The following ZNF618 variants were observed in gnomAD, a reference collection of about 807,000 sequenced individuals.
ZNF618 encodes the protein zinc finger protein 618.
ZNF618 carries 34 observed loss-of-function variants against 103.0 expected under a neutral mutation model. The ratio of observed to expected loss-of-function variants is 0.33; its 90% CI spans 0.25 to 0.44. ZNF618 has a LOEUF of 0.44. Among genes scored for constraint, ZNF618 ranks in the 20% least tolerant of loss-of-function variants. The pLI, the probability that ZNF618 is intolerant of heterozygous loss-of-function variation, is 1.00. For missense variants in ZNF618, 1,059 were observed against 1,295.4 expected (o/e 0.82, Z 2.80); for synonymous variants, 551 against 542.2 (o/e 1.02, Z -0.23).
intron 1 of ZNF618, among the ~76,000 whole-genome samples, chr9:113,904,482 AT>A (rs1261682957): frequency 6.6e-6 from 1 of 151,982 alleles, no homozygotes; most frequent in Non-Finnish European, 1.5e-5. Flanking sequence ...TACATTCCTG[AT>A]TGTTTTAGTG....
chr9:113,895,767 G>A (rs866979082), intron 1 of ZNF618, among the ~76,000 whole-genome samples: 1 of 152,036 alleles, frequency 6.6e-6, no homozygotes, highest in East Asian at 1.9e-4. Flanking sequence ...TCCCTGCTTG[G>A]AATGATTTAT....
intron 2 of ZNF618, among the ~76,000 whole-genome samples, chr9:113,974,400 A>G (rs1266801403): frequency 6.6e-6 from 1 of 152,248 alleles, no homozygotes; most frequent in Non-Finnish European, 1.5e-5. Flanking sequence ...GACCGTTGTC[A>G]GGACTTTGGC....
intron 3 of ZNF618, 77 bp downstream of exon 3, chr9:113,988,657 T>C: frequency 4.7e-6 from 7 of 1,490,506 alleles, no homozygotes; most frequent in Non-Finnish European, 6.3e-6. Context: ...AAAAGCGGCC[T>C]GGCGCCTCTG....
At chr9:114,020,723 A>C (rs144549110) in intron 10 of ZNF618, among the ~76,000 whole-genome samples, 53 of 152,158 alleles carry the variant, frequency 3.5e-4, no homozygotes, top group Non-Finnish European at 6.0e-4. Flanking sequence ...TTTCTTTTGC[A>C]TATTGATGTC....
At chr9:113,974,377 G>A (rs535805681) in intron 2 of ZNF618, among the ~76,000 whole-genome samples, 26 of 152,228 alleles carry the variant, frequency 1.7e-4, no homozygotes, top group South Asian at 4.1e-4. Context: ...GTGTGGCCAC[G>A]GAGGCCCTTG....
chr9:113,887,539 G>A (rs767845953), intron 1 of ZNF618, among the ~76,000 whole-genome samples: 3 of 152,180 alleles, frequency 2.0e-5, no homozygotes, highest in Non-Finnish European at 4.4e-5. Flanking sequence ...CACATTGGGG[G>A]CTGTGGACTT....
At chr9:113,963,035 G>T (rs748108994) in intron 1 of ZNF618, among the ~76,000 whole-genome samples, 8 of 152,176 alleles carry the variant, frequency 5.3e-5, no homozygotes, top group Admixed American at 1.3e-4. Flanking sequence ...CTCAGTGGAG[G>T]AGACAGAAAG....
chr9:113,984,171 G>A (rs1053024728), intron 2 of ZNF618, among the ~76,000 whole-genome samples: 1 of 152,182 alleles, frequency 6.6e-6, no homozygotes, highest in Non-Finnish European at 1.5e-5. Flanking sequence ...AGCTACACTG[G>A]AATTTCGGGA....
intron 1 of ZNF618, among the ~76,000 whole-genome samples, chr9:113,917,110 C>T (rs962990031): frequency 1.3e-5 from 2 of 152,130 alleles, no homozygotes; most frequent in Non-Finnish European, 2.9e-5. Context: ...TCTGTCACAC[C>T]AGACATTGCA....
chr9:113,882,361 C>T (rs536387852), intron 1 of ZNF618, among the ~76,000 whole-genome samples: 2 of 152,288 alleles, frequency 1.3e-5, no homozygotes, highest in South Asian at 4.1e-4. Flanking sequence ...GGTTAATGAT[C>T]CCAGCCTTGC....
intron 9 of ZNF618, chr9:114,016,314 G>C (rs575018217): frequency 1.4e-6 from 1 of 704,302 alleles, no homozygotes; most frequent in Non-Finnish European, 2.4e-6. Context: ...TTGCAAAGGG[G>C]CTGACGAAGA....
chr9:114,043,518 A>T (rs956662992), intron 13 of ZNF618, among the ~76,000 whole-genome samples: 3 of 152,220 alleles, frequency 2.0e-5, no homozygotes, highest in African/African-American at 7.2e-5. Flanking sequence ...CATTGACCAC[A>T]TTGGCAAAGG....
At chr9:113,994,882 C>T (rs537329077) in intron 3 of ZNF618, among the ~76,000 whole-genome samples, 1 of 151,112 alleles carries the variant, frequency 6.6e-6, no homozygotes, top group Non-Finnish European at 1.5e-5. Context: ...ACATTTTTAT[C>T]CAAAGTTTAA....
intron 1 of ZNF618, among the ~76,000 whole-genome samples, chr9:113,884,861 C>T (rs1828917450): frequency 1.3e-5 from 2 of 151,672 alleles, no homozygotes. Context: ...TTACCCAAGA[C>T]CTCAGTGAAC....
intron 10 of ZNF618, among the ~76,000 whole-genome samples, chr9:114,026,867 AG>A (rs1564316343): frequency 6.6e-6 from 1 of 151,890 alleles, no homozygotes; most frequent in South Asian, 2.1e-4. Context: ...GGTGGAGTCG[AG>A]GGGGGAAAAC....
At chr9:113,922,132 C>A (rs1270706189) in intron 1 of ZNF618, among the ~76,000 whole-genome samples, 5 of 152,194 alleles carry the variant, frequency 3.3e-5, no homozygotes, top group African/African-American at 1.2e-4. Flanking sequence ...TATTGAACTC[C>A]TACTCTGTGT....
intron 1 of ZNF618, among the ~76,000 whole-genome samples, chr9:113,910,347 C>G (rs748936196): frequency 4.6e-5 from 7 of 152,154 alleles, no homozygotes; most frequent in Non-Finnish European, 1.0e-4. Flanking sequence ...CACCTGGTTC[C>G]TGCTCTTCAC....
chr9:114,033,651 C>A (rs999436218), intron 12 of ZNF618, among the ~76,000 whole-genome samples: 4 of 152,130 alleles, frequency 2.6e-5, no homozygotes, highest in African/African-American at 9.7e-5. Context: ...CTGGGGGGTG[C>A]CTGGCTGGTC....
intron 1 of ZNF618, among the ~76,000 whole-genome samples, chr9:113,917,147 T>G (rs1832183875): frequency 6.6e-6 from 1 of 152,118 alleles, no homozygotes; most frequent in African/African-American, 2.4e-5. Flanking sequence ...ACTTGCTGTT[T>G]CCTTGCCCAG....
Sources: allele counts gnomAD v4.1 joint callset (sites outside exome capture counted in the v4.1 genomes callset), GRCh38; gene constraint gnomAD v4.1.1; transcripts MANE v1.5; gene names NCBI Gene and HGNC (gene_info 2026-07-23, HGNC 2026-07-21).